The following PHIP variants were observed in gnomAD, a reference collection of about 807,000 sequenced individuals.
The protein encoded by PHIP is PHIP subunit of CUL4-Ring ligase complex, also known as PH-interacting protein.
A neutral mutation model predicts 236.8 loss-of-function variants in PHIP; 54 were observed. The ratio of observed to expected loss-of-function variants is 0.23; its 90% CI spans 0.18 to 0.29. The LOEUF is 0.29. Among genes scored for constraint, PHIP ranks in the 10% least tolerant of loss-of-function variants. The pLI is 1.00. For synonymous variants in PHIP, 756 were observed against 718.9 expected, an observed-to-expected ratio of 1.05 and a Z score of -0.83; for missense variants, 1,370 against 2,190.8, an observed-to-expected ratio of 0.63 and a Z score of 7.48.
chr6:79,066,144 C>T (rs1181240467), intron 4 of PHIP, among the ~76,000 whole-genome samples: 1 of 151,988 alleles, frequency 6.6e-6, no homozygotes, highest in African/African-American at 2.4e-5. Flanking sequence ...CCCTCAAGAT[C>T]CCCAATTTCT....
In PHIP at chr6:78,940,156, T is replaced by C. The variant is rs919386010; in HGVS notation, c.*537A>G. The C allele has an allele frequency of 2.0e-5, 3 of 152,106 alleles. No individual in the cohort carries two copies. The highest frequency in any genetic ancestry group is 2.0e-4 in the Admixed American group (3 of 15,250). 9.4% of individuals were successfully genotyped at this position (152,106 alleles called of 1,614,324 possible). On this transcript the variant is annotated 3_prime_UTR_variant, in exon 40 of 40. Coordinates refer to ENST00000275034, the MANE Select transcript of PHIP (RefSeq NM_017934.7). The stretch of plus-strand genomic sequence containing the variant: ...CATTCTATAATTAAAATTAAACTGT[T>C]TAGGGTATCAAATGGTGGAAATTTT...
At chr6:78,983,534 T>C (rs922773870) in intron 22 of PHIP, among the ~76,000 whole-genome samples, 1 of 152,050 alleles carries the variant, frequency 6.6e-6, no homozygotes, top group African/African-American at 2.4e-5. Flanking sequence ...TAAGGAGATA[T>C]GGGGATTCCT....
chr6:78,950,257 T>C (rs544769173), intron 35 of PHIP, among the ~76,000 whole-genome samples: 1 of 152,338 alleles, frequency 6.6e-6, no homozygotes, highest in East Asian at 1.9e-4. Context: ...TATAAAATCA[T>C]TTTTTAATAT....
At chr6:78,942,719 T>C (rs1379538483) in intron 39 of PHIP, among the ~76,000 whole-genome samples, 1 of 152,182 alleles carries the variant, frequency 6.6e-6, no homozygotes, top group Non-Finnish European at 1.5e-5. Flanking sequence ...TTGTTTTACA[T>C]TATGACTACA....
At chr6:79,025,411 C>T in intron 9 of PHIP, 108 bp downstream of exon 9, 1 of 631,582 alleles carries the variant, frequency 1.6e-6, no homozygotes. Flanking sequence ...CTATTATTTA[C>T]TCAAGGAGAA....
chr6:78,957,441 G>A (rs961735821), intron 32 of PHIP: 1 of 151,756 alleles, frequency 6.6e-6, no homozygotes, highest in South Asian at 2.1e-4. Flanking sequence ...GGTAGAGAAA[G>A]GGCACAAACT....
At chr6:79,065,602 A>G (rs906183316) in intron 4 of PHIP, among the ~76,000 whole-genome samples, 4 of 152,048 alleles carry the variant, frequency 2.6e-5, no homozygotes, top group African/African-American at 9.7e-5. Context: ...ACTCTACACA[A>G]TCCAAGTCTG....
intron 4 of PHIP, among the ~76,000 whole-genome samples, chr6:79,066,000 A>T (rs904786937): frequency 6.6e-6 from 1 of 152,052 alleles, no homozygotes; most frequent in Admixed American, 6.5e-5. Flanking sequence ...TTTAATTTAA[A>T]TTAGCTTTTA....
chr6:79,033,204 T>C (rs1771757364), intron 7 of PHIP, among the ~76,000 whole-genome samples: 1 of 152,172 alleles, frequency 6.6e-6, no homozygotes, highest in South Asian at 2.1e-4. Context: ...ATTCTTATGG[T>C]CCTAGAATTT....
chr6:79,014,453 T>G (rs953101456), intron 15 of PHIP, among the ~76,000 whole-genome samples: 1 of 151,764 alleles, frequency 6.6e-6, no homozygotes, highest in Admixed American at 6.6e-5. Flanking sequence ...TTAAAAAATA[T>G]GACTACACAA....
rs1772307111 is a variant in PHIP at position 79,043,142 on chromosome 6, TAA to T, written c.440-141_440-140del. 4.7e-6 allele frequency: 3 copies of T among 644,076 alleles called. No homozygotes were observed. The South Asian group carries it at 5.8e-5, about 12-fold the overall frequency. The allele number at this position is 644,076 out of a possible 1,614,324, so 39.9% of individuals were successfully genotyped here. On this transcript the variant is annotated intron_variant, in intron 6 of 39. Transcript: ENST00000275034. ...CTTTCTGATATATATGGCTTCTAGT[TAA>T]AAGTCTTTAAAGTAATGAATAAAAA...
chr6:78,996,108 T>C (rs1769597995), intron 19 of PHIP, among the ~76,000 whole-genome samples: 1 of 152,190 alleles, frequency 6.6e-6, no homozygotes, highest in East Asian at 1.9e-4. Context: ...AGCAACCTTA[T>C]CTCCTGACTC....
chr6:79,022,307 T>C (rs750190946), intron 9 of PHIP, among the ~76,000 whole-genome samples: 8 of 152,184 alleles, frequency 5.3e-5, no homozygotes, highest in Non-Finnish European at 1.2e-4. Flanking sequence ...CAATGTCCAA[T>C]ATGCTCAATA....
At chr6:79,037,822 T>C (rs1036946308) in intron 7 of PHIP, among the ~76,000 whole-genome samples, 3 of 152,216 alleles carry the variant, frequency 2.0e-5, no homozygotes, top group African/African-American at 2.4e-5. Flanking sequence ...CATTCATCAT[T>C]TGTGGTATGC....
chr6:79,058,905 A>C (rs1256452835), intron 6 of PHIP, among the ~76,000 whole-genome samples: 1 of 152,044 alleles, frequency 6.6e-6, no homozygotes, highest in Non-Finnish European at 1.5e-5. Context: ...AACTCCTATA[A>C]TATTTTATCT....
chr6:78,951,906 T>C (rs1211930323), intron 35 of PHIP, among the ~76,000 whole-genome samples: 1 of 152,224 alleles, frequency 6.6e-6, no homozygotes, highest in East Asian at 1.9e-4. Context: ...ATAAATAGTT[T>C]TGTCTATAAA....
chr6:79,023,207 T>C (rs561061977), intron 9 of PHIP, among the ~76,000 whole-genome samples: 2 of 152,240 alleles, frequency 1.3e-5, no homozygotes, highest in East Asian at 3.9e-4. Flanking sequence ...GACCCCTGAG[T>C]AGCTGGGACT....
intron 6 of PHIP, among the ~76,000 whole-genome samples, chr6:79,044,457 A>G (rs992003848): frequency 6.6e-6 from 1 of 152,138 alleles, no homozygotes; most frequent in Non-Finnish European, 1.5e-5. Context: ...ACATCCTCCA[A>G]TGCTTTGGCT....
chr6:78,955,005 A>C (rs1766319937), intron 34 of PHIP, 42 bp from the exon 35 acceptor site: 1 of 1,397,376 alleles, frequency 7.2e-7, no homozygotes, highest in African/African-American at 1.5e-5. Context: ...AAGAGCACTT[A>C]CACAATAAAA....
Sources: allele counts gnomAD v4.1 joint callset (sites outside exome capture counted in the v4.1 genomes callset), GRCh38; gene constraint gnomAD v4.1.1; transcripts MANE v1.5; gene names NCBI Gene and HGNC (gene_info 2026-07-23, HGNC 2026-07-21).